Variants in SCN11A observed in about 807,000 individuals in gnomAD.
SCN11A encodes sodium voltage-gated channel alpha subunit 11.
A neutral mutation model predicts 162.2 loss-of-function variants in SCN11A; 122 were observed. That is an observed-to-expected ratio of 0.75 (90% CI 0.65 to 0.87). SCN11A has a LOEUF of 0.87. Ranked by LOEUF, SCN11A falls within the 40% of genes least tolerant of loss-of-function variation. The probability of loss-of-function intolerance (pLI) is 0.00; values close to 1 mark genes in which losing one functional copy is unlikely to be tolerated. For missense variants in SCN11A, 2,015 were observed against 2,181.6 expected (o/e 0.92, Z 1.52); for synonymous variants, 758 against 751.5 (o/e 1.01, Z -0.14).
chr3:38,964,184 G>A (rs948295330), intron 2 of SCN11A, among the ~76,000 whole-genome samples: 1 of 152,192 alleles, frequency 6.6e-6, no homozygotes, highest in Non-Finnish European at 1.5e-5. Context: ...CCCCACATTT[G>A]CATCCTTGGA....
At chr3:38,973,358 T>C (rs1373012400) in intron 2 of SCN11A, among the ~76,000 whole-genome samples, 1 of 152,134 alleles carries the variant, frequency 6.6e-6, no homozygotes, top group African/African-American at 2.4e-5. Flanking sequence ...CTGTCTCTTC[T>C]TGCAGTCAGA....
chr3:38,950,419 G>T (rs759349525), intron 4 of SCN11A, 50 bp from the exon 5 acceptor site: 11 of 1,566,334 alleles, frequency 7.0e-6, no homozygotes, highest in Non-Finnish European at 9.6e-6. Context: ...CAGGAGGCGG[G>T]AATAAAACAG....
intron 2 of SCN11A, among the ~76,000 whole-genome samples, chr3:39,005,472 C>A (rs575408996): frequency 9.2e-5 from 14 of 152,304 alleles, no homozygotes; most frequent in Admixed American, 5.2e-4. Flanking sequence ...CCTCTGGCTT[C>A]GCATAATGAG....
At chr3:38,993,106 T>C (rs1009726246) in intron 2 of SCN11A, among the ~76,000 whole-genome samples, 7 of 152,234 alleles carry the variant, frequency 4.6e-5, no homozygotes, top group African/African-American at 1.7e-4. Context: ...GGCATTCCTC[T>C]GCCTCAGATT....
intron 7 of SCN11A, among the ~76,000 whole-genome samples, chr3:38,927,703 G>A (rs1028731027): frequency 1.3e-5 from 2 of 152,144 alleles, no homozygotes; most frequent in African/African-American, 2.4e-5. Context: ...TTCTTCATAC[G>A]GCAGCAGGAA....
intron 2 of SCN11A, among the ~76,000 whole-genome samples, chr3:39,012,804 T>C (rs1480700340): frequency 6.6e-6 from 1 of 152,224 alleles, no homozygotes; most frequent in African/African-American, 2.4e-5. Flanking sequence ...GAAAACTCCA[T>C]AGCAGTTTTT....
intron 1 of SCN11A, among the ~76,000 whole-genome samples, chr3:39,034,414 A>T (rs1446755057): frequency 6.6e-6 from 1 of 151,802 alleles, no homozygotes; most frequent in South Asian, 2.1e-4. Flanking sequence ...CCTTCATGAT[A>T]AAAAAAAATC....
chr3:38,914,206 C>A (rs1211684505), intron 11 of SCN11A, among the ~76,000 whole-genome samples: 1 of 152,104 alleles, frequency 6.6e-6, no homozygotes, highest in East Asian at 1.9e-4. Flanking sequence ...AGAGATCTTT[C>A]ACCTCCCTGT....
chr3:39,042,990 A>G (rs927196255), intron 1 of SCN11A, among the ~76,000 whole-genome samples: 1 of 151,586 alleles, frequency 6.6e-6, no homozygotes, highest in Admixed American at 6.6e-5. Context: ...GAAAAAGAAA[A>G]AAGAAATGAG....
chr3:38,999,642 T>C (rs890150412), intron 2 of SCN11A, among the ~76,000 whole-genome samples: 3 of 152,224 alleles, frequency 2.0e-5, no homozygotes, highest in Non-Finnish European at 4.4e-5. Flanking sequence ...TTCATGTTTG[T>C]GAGATTGGCA....
chr3:38,992,896 T>C lies in SCN11A; in HGVS notation c.-279-32473A>G, dbSNP rs149111162. ...TTTTGCTTTTGTTCACTGCCTAGCC[T>C]TCAGCTGTGGGCCAGGCTGAGAGCT... On this transcript the variant is annotated intron_variant, in intron 2 of 29. Coordinates refer to ENST00000302328, the MANE Select transcript of SCN11A (RefSeq NM_001349253.2). 4.7e-3 allele frequency among the ~76,000 whole-genome samples: 713 copies of C among 152,304 alleles called. 2 individuals are homozygous for C. Among genetic ancestry groups the C allele is most frequent in the Middle Eastern group, 6.8e-3 (2 of 294 alleles).
At chr3:39,034,093 C>T (rs555040768) in intron 1 of SCN11A, among the ~76,000 whole-genome samples, 6 of 152,016 alleles carry the variant, frequency 3.9e-5, no homozygotes, top group South Asian at 2.1e-4. Flanking sequence ...ACCCAGGAGG[C>T]GGAGGTTGCA....
intron 11 of SCN11A, among the ~76,000 whole-genome samples, chr3:38,913,402 A>G (rs2065913489): frequency 6.6e-6 from 1 of 152,182 alleles, no homozygotes. Flanking sequence ...ATAGTTTGCA[A>G]ATATTTTCTC....
In SCN11A at chr3:38,910,191, A is replaced by G; in HGVS notation, c.976T>C (p.Tyr326His). ...WMGNSACSIQ[Y>H]ECKHTKINPD... ...TTAATTTTGGTGTGCTTACATTCAT[A>G]TTGTATGGAACAGGCACTAGATATT... The change falls in exon 12 of 30, where the codon TAT becomes CAT. Residue 326 changes from tyrosine (Y) to histidine (H), a missense_variant. Physicochemically the swap from Tyr to His is moderately conservative, Grantham distance 83. Transcript: ENST00000302328. 6.2e-7 allele frequency: 1 copy of G among 1,612,434 alleles called. No homozygotes were observed. Among genetic ancestry groups the G allele is most frequent in the South Asian group, 1.1e-5 (1 of 91,016 alleles).
At chr3:38,970,145 A>G (rs1194779491) in intron 2 of SCN11A, among the ~76,000 whole-genome samples, 2 of 152,206 alleles carry the variant, frequency 1.3e-5, no homozygotes, top group Non-Finnish European at 2.9e-5. Flanking sequence ...GAGGAGGGTT[A>G]TACTGCACAG....
At chr3:38,860,816 A>G (rs574731250) in intron 28 of SCN11A, among the ~76,000 whole-genome samples, 69 of 152,282 alleles carry the variant, frequency 4.5e-4, no homozygotes, top group African/African-American at 1.2e-3. Context: ...AGCATTCCCT[A>G]TGACAACTGG....
At chr3:39,012,446 CTT>C (rs2031169934) in intron 2 of SCN11A, among the ~76,000 whole-genome samples, 1 of 148,398 alleles carries the variant, frequency 6.7e-6, no homozygotes, top group African/African-American at 2.6e-5. Context: ...TTCTCTCTCT[CTT>C]TCTCTCTTTC....
At chr3:38,866,375 C>G (rs1472806868) in intron 27 of SCN11A, among the ~76,000 whole-genome samples, 3 of 152,026 alleles carry the variant, frequency 2.0e-5, no homozygotes, top group Non-Finnish European at 4.4e-5. Context: ...TGTACCACCA[C>G]AGCTGGTTAA....
chr3:38,931,244 G>A (rs2066235032), intron 7 of SCN11A, among the ~76,000 whole-genome samples: 1 of 152,214 alleles, frequency 6.6e-6, no homozygotes. Flanking sequence ...CCCCTCCACT[G>A]GCCAGCCTTA....
Sources: gnomAD v4.1 joint callset for allele counts (sites outside exome capture counted in the v4.1 genomes callset) on GRCh38, gnomAD v4.1.1 for gene constraint, MANE v1.5 for transcripts, NCBI Gene and HGNC (gene_info 2026-07-23, HGNC 2026-07-21) for gene names.